Variants in OTUD7A observed in about 807,000 individuals in gnomAD.
OTUD7A encodes the protein OTU domain-containing protein 7A.
Under a neutral mutation model 65.7 loss-of-function variants are expected in OTUD7A, and 12 were observed. The observed-to-expected ratio is 0.18, with a 90% CI of 0.12 to 0.30. OTUD7A has a LOEUF of 0.30. Ranked by LOEUF, OTUD7A falls within the 10% of genes least tolerant of loss-of-function variation. The pLI is 1.00. For synonymous variants in OTUD7A, 641 were observed against 586.3 expected (o/e 1.09, Z -1.35); for missense variants, 1,148 against 1,304.8 (o/e 0.88, Z 1.85).
intron 1 of OTUD7A, among the ~76,000 whole-genome samples, chr15:31,725,021 G>A (rs1291672167): frequency 4.6e-5 from 7 of 152,182 alleles, no homozygotes; most frequent in Non-Finnish European, 1.0e-4. Context: ...GAGTGATTGC[G>A]GGGCAGAGGG....
intron 5 of OTUD7A, among the ~76,000 whole-genome samples, chr15:31,536,122 C>T (rs1303045741): frequency 6.6e-6 from 1 of 152,162 alleles, no homozygotes; most frequent in Non-Finnish European, 1.5e-5. Flanking sequence ...GGGTGAATAG[C>T]ACAGAAGCGA....
At chr15:31,591,815 A>T (rs12900146) in intron 3 of OTUD7A, among the ~76,000 whole-genome samples, 48,679 of 152,114 alleles carry the variant, frequency 0.32, 10,012 homozygotes, top group African/African-American at 0.58. Context: ...AGGCGATTTC[A>T]TCATTGTGCG....
chr15:31,768,994 C>T (rs1205940497), intron 1 of OTUD7A, among the ~76,000 whole-genome samples: 1 of 152,160 alleles, frequency 6.6e-6, no homozygotes, highest in Non-Finnish European at 1.5e-5. Context: ...TAACAAAAAA[C>T]TGTCCATCTA....
chr15:31,525,697 A>G (rs1184046964), intron 8 of OTUD7A, among the ~76,000 whole-genome samples: 2 of 152,266 alleles, frequency 1.3e-5, no homozygotes, highest in African/African-American at 4.8e-5. Flanking sequence ...TGAACTGAAG[A>G]ATAAGCCGCG....
intron 1 of OTUD7A, among the ~76,000 whole-genome samples, chr15:31,783,806 G>A (rs917905968): frequency 6.6e-6 from 1 of 152,134 alleles, no homozygotes; most frequent in Non-Finnish European, 1.5e-5. Flanking sequence ...AACTGAAAAC[G>A]ATCATTTTTC....
intron 1 of OTUD7A, among the ~76,000 whole-genome samples, chr15:31,759,513 G>A (rs1004352856): frequency 1.3e-5 from 2 of 152,168 alleles, no homozygotes; most frequent in Non-Finnish European, 2.9e-5. Context: ...ATAGATCGTG[G>A]CTTACCACAT....
intron 1 of OTUD7A, among the ~76,000 whole-genome samples, chr15:31,753,721 T>TATATATATATATTA (rs879561188): frequency 8.4e-5 from 9 of 106,750 alleles, no homozygotes; most frequent in Admixed American, 4.6e-4. Context: ...TATATATATA[T>TATATATATATATTA]TATATATATA....
chr15:31,790,250 C>G (rs1421793273), intron 1 of OTUD7A, among the ~76,000 whole-genome samples: 2 of 151,590 alleles, frequency 1.3e-5, no homozygotes, highest in East Asian at 3.9e-4. Context: ...GGGCCACCCC[C>G]AGAGACTCTG....
intron 1 of OTUD7A, among the ~76,000 whole-genome samples, chr15:31,759,810 A>G (rs1358465576): frequency 6.6e-6 from 1 of 152,102 alleles, no homozygotes; most frequent in African/African-American, 2.4e-5. Context: ...TACAGGCATG[A>G]GCCACCACAC....
chr15:31,641,673 T>C (rs1891520961), intron 3 of OTUD7A, among the ~76,000 whole-genome samples: 1 of 152,244 alleles, frequency 6.6e-6, no homozygotes, highest in Admixed American at 6.5e-5. Context: ...TGGATGCTAC[T>C]GAATAAAGTA....
chr15:31,691,253 A>G (rs1028150004), intron 1 of OTUD7A, among the ~76,000 whole-genome samples: 23 of 152,230 alleles, frequency 1.5e-4, no homozygotes, highest in Non-Finnish European at 3.1e-4. Flanking sequence ...AATTCATATG[A>G]AACCACAAAA....
At chr15:31,540,516 G>A (rs1887954059) in intron 5 of OTUD7A, among the ~76,000 whole-genome samples, 1 of 152,086 alleles carries the variant, frequency 6.6e-6, no homozygotes, top group African/African-American at 2.4e-5. Context: ...TTAGCAGTGT[G>A]GTGTTGGGCA....
At chr15:31,855,933 A>G (rs1897560361) in intron 1 of OTUD7A, among the ~76,000 whole-genome samples, 2 of 152,172 alleles carry the variant, frequency 1.3e-5, no homozygotes, top group South Asian at 4.1e-4. Flanking sequence ...GCTAACCCAC[A>G]GGACTATAAA....
At chr15:31,690,448 A>G (rs778106292) in intron 1 of OTUD7A, among the ~76,000 whole-genome samples, 29 of 152,182 alleles carry the variant, frequency 1.9e-4, no homozygotes, top group Non-Finnish European at 2.9e-4. Context: ...TAGCCAAGAC[A>G]ATCTTGAAAA....
chr15:31,796,192 CTATCTATCTAT>C (rs1895952752), intron 1 of OTUD7A, among the ~76,000 whole-genome samples: 1 of 1,864 alleles, frequency 5.4e-4, no homozygotes, highest in South Asian at 0.056. Context: ...TATGCATTAT[CTATCTATCTAT>C]CTATCTATCT....
At chr15:31,620,688 T>C (rs1456005466) in intron 3 of OTUD7A, among the ~76,000 whole-genome samples, 1 of 116,632 alleles carries the variant, frequency 8.6e-6, no homozygotes, top group East Asian at 2.2e-4. Context: ...TAGCAGTCTA[T>C]CAATTTTGTT....
chr15:31,805,673 AAG>A (rs1896251441), intron 1 of OTUD7A, among the ~76,000 whole-genome samples: 1 of 152,212 alleles, frequency 6.6e-6, no homozygotes, highest in Admixed American at 6.5e-5. Context: ...GATGAATGTG[AAG>A]AGAGTTACAG....
intron 1 of OTUD7A, among the ~76,000 whole-genome samples, chr15:31,709,769 C>T (rs909967111): frequency 2.6e-5 from 4 of 151,774 alleles, no homozygotes; most frequent in Admixed American, 2.0e-4. Flanking sequence ...TGTGCAGCTG[C>T]CTTAAAAAAT....
At chr15:31,528,538 C>A (rs2141120164) in intron 6 of OTUD7A, among the ~76,000 whole-genome samples, 1 of 152,366 alleles carries the variant, frequency 6.6e-6, no homozygotes, top group Admixed American at 6.5e-5. Context: ...CTGCCACAGG[C>A]TTCTAGCCAG....
Sources: allele counts gnomAD v4.1 joint callset (sites outside exome capture counted in the v4.1 genomes callset), GRCh38; gene constraint gnomAD v4.1.1; transcripts MANE v1.5; gene names NCBI Gene and HGNC (gene_info 2026-07-23, HGNC 2026-07-21).